HMGXB3: variants seen among roughly 807,000 people sequenced by gnomAD.
HMGXB3 encodes HMG-box containing 3.
HMGXB3 carries 45 observed loss-of-function variants against 121.5 expected under a neutral mutation model. The ratio of observed to expected loss-of-function variants is 0.37; its 90% CI spans 0.29 to 0.47. The LOEUF (loss-of-function observed/expected upper bound fraction) is 0.47, where lower values mean the gene tolerates loss of function less well. Ranked by LOEUF, HMGXB3 falls within the 20% of genes least tolerant of loss-of-function variation. HMGXB3 has a pLI of 0.99. For missense variants in HMGXB3, 1,376 were observed against 1,602.2 expected, an observed-to-expected ratio of 0.86 and a Z score of 2.41; for synonymous variants, 590 against 624.1, an observed-to-expected ratio of 0.95 and a Z score of 0.81.
In HMGXB3 at chr5:150,030,721, T is replaced by G. The variant is rs546663694; in HGVS notation, c.1735-20T>G. The G allele has an allele frequency of 6.7e-5, 104 of 1,540,998 alleles. No individual in the cohort carries two copies. The highest frequency in any genetic ancestry group is 3.8e-4 in the South Asian group (32 of 83,814). On this transcript the variant is annotated intron_variant, in intron 9 of 19. Coordinates refer to ENST00000502717, the MANE Select transcript of HMGXB3 (RefSeq NM_014983.3). Reference sequence around the variant, plus strand: ...TTGGCTAAGGTTCAAAAGCACTAAATAATTTGTTCTGATCCACAGCTACCA... The same window carrying G: ...TTGGCTAAGGTTCAAAAGCACTAAAGAATTTGTTCTGATCCACAGCTACCA...
intron 13 of HMGXB3, among the ~76,000 whole-genome samples, chr5:150,040,247 ACTT>A (rs1756597372): frequency 6.6e-6 from 1 of 152,100 alleles, no homozygotes; most frequent in Non-Finnish European, 1.5e-5. Context: ...AGTTAGATCT[ACTT>A]CTTTTTAAAA....
At chr5:150,047,577 G>A (rs1200085459) in intron 16 of HMGXB3, 47 bp from the exon 17 acceptor site, 1 of 1,549,278 alleles carries the variant, frequency 6.5e-7, no homozygotes, top group African/African-American at 1.4e-5. Context: ...CTTGGCCTCT[G>A]GTGACTGGCG....
chr5:150,048,785 C>A lies in HMGXB3; in HGVS notation c.3201+100C>A. 4 of 864,492 alleles carry A rather than the reference C, an allele frequency of 4.6e-6. No individual in the cohort carries two copies. The South Asian group carries it at 5.9e-5, about 13-fold the overall frequency. 53.6% of individuals were successfully genotyped at this position (864,492 alleles called of 1,614,324 possible). On this transcript the variant is annotated intron_variant, in intron 18 of 19. Transcript: ENST00000502717. Reference sequence around the variant, plus strand: ...CAGTTTTGGGGGGCTAGACTTAGGTCACTGGGCAACCTCCGGCATAGCTGC... The same window carrying A: ...CAGTTTTGGGGGGCTAGACTTAGGTAACTGGGCAACCTCCGGCATAGCTGC...
At chr5:150,023,318 C>T (rs901957780) in intron 6 of HMGXB3, among the ~76,000 whole-genome samples, 1 of 152,112 alleles carries the variant, frequency 6.6e-6, no homozygotes, top group Non-Finnish European at 1.5e-5. Flanking sequence ...CTGTCTGGCT[C>T]CTGTTGACAA....
Position 150,040,801 on chromosome 5 carries a change from A to G in HMGXB3, c.2467A>G (p.Ile823Val), listed in dbSNP as rs185267812. 20 of 1,552,046 alleles carry G rather than the reference A, an allele frequency of 1.3e-5. No individual in the cohort carries two copies. Among genetic ancestry groups the G allele is most frequent in the Admixed American group, 5.9e-5 (3 of 50,998 alleles). Residue 823 changes from isoleucine to valine, a missense_variant, in exon 14 of 20, where the codon ATC (isoleucine) becomes GTC (valine). By Grantham distance (29) the Ile-to-Val change is conservative. Transcript: ENST00000502717. ...GGTAAGCCTGGACTTGCTTTTTGCA[A>G]TCAGAAATCAGATCAAGCTCGGAGA... Reference protein sequence around the residue: ...LLVSLDLLFAIRNQIKLGEDP... With the variant: ...LLVSLDLLFAVRNQIKLGEDP...
At chr5:150,050,812 T>C (rs1233211608) in intron 19 of HMGXB3, among the ~76,000 whole-genome samples, 1 of 152,218 alleles carries the variant, frequency 6.6e-6, no homozygotes, top group Non-Finnish European at 1.5e-5. Context: ...CCAAGCCCTC[T>C]GTTTGAGGCC....
Position 150,034,732 on chromosome 5 carries a change from T to C in HMGXB3, c.1984-1904T>C, listed in dbSNP as rs79352004. On this transcript the variant is annotated intron_variant, in intron 11 of 19. Transcript: ENST00000502717. Reference sequence around the variant, plus strand: ...GCACTGGTCAGAACCACAGGGATCTTCTTGTGTGTTGTCATTTGGAGCCCC... The same window carrying C: ...GCACTGGTCAGAACCACAGGGATCTCCTTGTGTGTTGTCATTTGGAGCCCC... 1.1e-3 allele frequency among the ~76,000 whole-genome samples: 163 copies of C among 152,320 alleles called. 3 individuals are homozygous for C. The East Asian group carries it at 0.029, about 27-fold the overall frequency.
intron 6 of HMGXB3, among the ~76,000 whole-genome samples, chr5:150,020,976 C>G (rs940875271): frequency 6.6e-6 from 1 of 152,126 alleles, no homozygotes; most frequent in Non-Finnish European, 1.5e-5. Flanking sequence ...CTCCTGGCCT[C>G]AAGTGATCCA....
chr5:150,022,457 G>C (rs1756120329), intron 6 of HMGXB3, among the ~76,000 whole-genome samples: 1 of 152,160 alleles, frequency 6.6e-6, no homozygotes, highest in African/African-American at 2.4e-5. Context: ...AGGTCTCTCT[G>C]AGCCTGCAGC....
intron 11 of HMGXB3, among the ~76,000 whole-genome samples, chr5:150,033,884 G>A (rs1444848065): frequency 6.6e-6 from 1 of 152,168 alleles, no homozygotes; most frequent in Non-Finnish European, 1.5e-5. Flanking sequence ...TGAGGTTATT[G>A]TCCTTGTGAG....
intron 9 of HMGXB3, among the ~76,000 whole-genome samples, chr5:150,028,456 A>G (rs1756285510): frequency 7.0e-6 from 1 of 143,340 alleles, no homozygotes. Context: ...GTGTATATAT[A>G]TATGTATATA....
Position 150,036,947 on chromosome 5 carries a change from C to G in HMGXB3, c.2285+10C>G. ...TCAAAGGGGGACAAAAGTAAGCACCCCTTAACTCTGCCCCTAGCTACCCCA... is the reference window on the plus strand; with the variant it reads ...TCAAAGGGGGACAAAAGTAAGCACCGCTTAACTCTGCCCCTAGCTACCCCA... On this transcript the variant is annotated intron_variant, in intron 12 of 19. Transcript: ENST00000502717. The G allele has an allele frequency of 6.5e-7, 1 of 1,543,724 alleles. No homozygotes were observed. Among genetic ancestry groups the G allele is most frequent in the East Asian group, 2.4e-5 (1 of 40,860 alleles).
chr5:150,047,692 A>C lies in HMGXB3; in HGVS notation c.3019A>C (p.Ser1007Arg). The change falls in exon 17 of 20, where the codon AGT becomes CGT. Residue 1007 changes from serine to arginine, a missense_variant. By Grantham distance (110) the Ser-to-Arg change is moderately radical. Transcript: ENST00000502717. ...TCKLDEIGSY[S>R]EEKLQHLLRQ... is the part of the protein sequence containing the mutation. The stretch of plus-strand genomic sequence containing the variant: ...CAAGCTTGATGAGATTGGCTCCTAC[A>C]GTGAAGAGAAGCTGCAGCACCTGCT... 6.4e-7 allele frequency: 1 copy of C among 1,551,756 alleles called. No homozygotes were observed. Among genetic ancestry groups the C allele is most frequent in the Non-Finnish European group, 8.7e-7 (1 of 1,146,998 alleles).
At chr5:150,013,606 A>G (rs1372526782) in intron 5 of HMGXB3, among the ~76,000 whole-genome samples, 2 of 152,178 alleles carry the variant, frequency 1.3e-5, no homozygotes, top group African/African-American at 4.8e-5. Context: ...TTTTCCTTAA[A>G]TGGTAGTATT....
rs1356028397 is a variant in HMGXB3, at chr5:150,000,945, G to GGGCT, written c.-235_-232dup. The GGGCT allele has an allele frequency of 1.3e-5, 2 of 154,760 alleles. No homozygotes were observed. The highest frequency in any genetic ancestry group is 4.8e-5 in the African/African-American group (2 of 41,516). The allele number at this position is 154,760 out of a possible 1,614,324, so 9.6% of individuals were successfully genotyped here. On this transcript the variant is annotated 5_prime_UTR_variant, in exon 1 of 20. Transcript: ENST00000502717. ...CGACTCCGAGGAGGGGAAGCGAGAG[G>GGGCT]GGCTGTCGCGACTCCGCGCCGTGTG...
Position 150,012,262 on chromosome 5 carries a change from G to A in HMGXB3, c.818G>A (p.Ser273Asn). The A allele has an allele frequency of 6.4e-7, 1 of 1,551,812 alleles. No individual in the cohort carries two copies. The highest frequency in any genetic ancestry group is 8.7e-7 in the Non-Finnish European group (1 of 1,146,752). The change falls in exon 5 of 20, where the codon AGT (serine) becomes AAT (asparagine). Residue 273 changes from serine (S) to asparagine (N), a missense_variant. This residue lies in a region of HMGXB3 where 1,116 missense variants were observed against 1,369.0 expected (regional missense o/e 0.82). Transcript: ENST00000502717. ...TCTCTTCATTGCCCATAGGATTCCA[G>A]TGAGAGTAGCTCCTCTGCACCAGCC... ...VSVVTVMRDS[S>N]ESSSSAPATQ...
chr5:150,026,180 G>C (rs1367785255), intron 7 of HMGXB3, among the ~76,000 whole-genome samples: 1 of 152,132 alleles, frequency 6.6e-6, no homozygotes, highest in Non-Finnish European at 1.5e-5. Context: ...TTTGGCGATG[G>C]TTTTGTATAT....
chr5:150,028,505 A>ATGTGTGTGTG (rs1156746032), intron 9 of HMGXB3, among the ~76,000 whole-genome samples: 3 of 90,488 alleles, frequency 3.3e-5, no homozygotes, highest in East Asian at 2.7e-4. Flanking sequence ...ATATGTATGT[A>ATGTGTGTGTG]TGTGTGTGTG....
Position 150,008,094 on chromosome 5 carries a change from C to CACACACACAT in HMGXB3, c.312+1452_312+1453insCACATACACA, listed in dbSNP as rs746974088. 5.9e-4 allele frequency among the ~76,000 whole-genome samples: 87 copies of CACACACACAT among 147,742 alleles called. 1 individual carries two copies. The highest frequency in any genetic ancestry group is 1.1e-3 in the Admixed American group (17 of 14,958). ...ACACACACACACACACACACACACA[C>CACACACACAT]ACACAAATCAGCAATCTTTTTGTGC... On this transcript the variant is annotated intron_variant, in intron 3 of 19. Transcript: ENST00000502717.
Sources: gnomAD v4.1 joint callset for allele counts (sites outside exome capture counted in the v4.1 genomes callset) on GRCh38, gnomAD v4.1.1 for gene constraint, gnomAD v4.1.1 regional missense constraint, MANE v1.5 for transcripts, NCBI Gene and HGNC (gene_info 2026-07-23, HGNC 2026-07-21) for gene names.